ASTN2: variants seen among roughly 807,000 people sequenced by gnomAD.
ASTN2 encodes astrotactin 2.
Under a neutral mutation model 139.8 loss-of-function variants are expected in ASTN2, and 54 were observed. That is an observed-to-expected ratio of 0.39 (90% CI 0.31 to 0.48). ASTN2 has a LOEUF of 0.48. Ranked by LOEUF, ASTN2 falls within the 20% of genes least tolerant of loss-of-function variation. The pLI is 0.95. For missense variants in ASTN2, 1,565 were observed against 1,725.1 expected, an observed-to-expected ratio of 0.91 and a Z score of 1.64; for synonymous variants, 756 against 719.5, an observed-to-expected ratio of 1.05 and a Z score of -0.81.
At chr9:116,880,722 A>G (rs1833430894) in intron 10 of ASTN2, among the ~76,000 whole-genome samples, 1 of 152,030 alleles carries the variant, frequency 6.6e-6, no homozygotes, top group African/African-American at 2.4e-5. Flanking sequence ...TCTAGGGCAA[A>G]AGAAGTTTAT....
chr9:117,051,666 C>T (rs1347061678), intron 5 of ASTN2, among the ~76,000 whole-genome samples: 1 of 152,172 alleles, frequency 6.6e-6, no homozygotes, highest in East Asian at 1.9e-4. Flanking sequence ...AAGACAGATT[C>T]TGTCATTTGA....
chr9:117,181,380 T>C (rs140161005), intron 3 of ASTN2, among the ~76,000 whole-genome samples: 1 of 152,350 alleles, frequency 6.6e-6, no homozygotes, highest in African/African-American at 2.4e-5. Flanking sequence ...ATACATTTCA[T>C]ACTGCTGAAA....
intron 13 of ASTN2, among the ~76,000 whole-genome samples, chr9:116,791,031 G>GA (rs1227165909): frequency 2.6e-5 from 3 of 113,888 alleles, no homozygotes; most frequent in African/African-American, 6.4e-5. Context: ...AAGAAAGAAA[G>GA]AAAGAAAGAA....
intron 20 of ASTN2, among the ~76,000 whole-genome samples, chr9:116,465,612 A>G (rs1225312229): frequency 6.6e-6 from 1 of 152,230 alleles, no homozygotes; most frequent in Non-Finnish European, 1.5e-5. Flanking sequence ...AATTACTATT[A>G]ATAATAAATA....
chr9:117,078,051 G>A (rs966000809), intron 5 of ASTN2, among the ~76,000 whole-genome samples: 1 of 152,138 alleles, frequency 6.6e-6, no homozygotes, highest in Admixed American at 6.5e-5. Flanking sequence ...CTTGACTTCT[G>A]TAAAGAGTCA....
intron 10 of ASTN2, among the ~76,000 whole-genome samples, chr9:116,901,574 C>G (rs1274225832): frequency 1.3e-5 from 2 of 152,100 alleles, no homozygotes; most frequent in Non-Finnish European, 1.5e-5. Flanking sequence ...CTGGTATAAA[C>G]AAACTTACTG....
chr9:116,859,002 T>C (rs1347484680), intron 11 of ASTN2, among the ~76,000 whole-genome samples: 1 of 152,196 alleles, frequency 6.6e-6, no homozygotes, highest in Non-Finnish European at 1.5e-5. Flanking sequence ...CATTCCTTTC[T>C]GGAGGTTCCA....
chr9:117,327,289 G>A (rs188759708), intron 1 of ASTN2, among the ~76,000 whole-genome samples: 13 of 152,218 alleles, frequency 8.5e-5, no homozygotes, highest in East Asian at 7.8e-4. Flanking sequence ...TCCCAACACC[G>A]ACAATTGAGA....
At chr9:116,842,733 A>AGGGTG (rs927029029) in intron 11 of ASTN2, among the ~76,000 whole-genome samples, 3 of 50,122 alleles carry the variant, frequency 6.0e-5, no homozygotes, top group African/African-American at 7.5e-5. Flanking sequence ...GGAAGCGGCG[A>AGGGTG]GGGTGGGGTG....
intron 3 of ASTN2, among the ~76,000 whole-genome samples, chr9:117,171,737 G>A (rs528251597): frequency 2.0e-5 from 3 of 151,930 alleles, no homozygotes; most frequent in East Asian, 1.9e-4. Context: ...CTTCACCTTC[G>A]GCCATAATTG....
chr9:117,155,062 G>A (rs933561413), intron 3 of ASTN2, among the ~76,000 whole-genome samples: 1 of 151,956 alleles, frequency 6.6e-6, no homozygotes, highest in African/African-American at 2.4e-5. Flanking sequence ...GAACAGAGAA[G>A]AGATCAAACT....
intron 16 of ASTN2, among the ~76,000 whole-genome samples, chr9:116,679,609 T>C (rs949217826): frequency 1.3e-5 from 2 of 152,148 alleles, no homozygotes; most frequent in East Asian, 1.9e-4. Flanking sequence ...TATTCCAAAA[T>C]TGACCACATA....
At chr9:116,540,029 A>G (rs1187212789) in intron 19 of ASTN2, among the ~76,000 whole-genome samples, 1 of 152,222 alleles carries the variant, frequency 6.6e-6, no homozygotes, top group Non-Finnish European at 1.5e-5. Context: ...AGTGTCTCTT[A>G]AAATGAATCG....
chr9:116,820,766 T>G lies in ASTN2; in HGVS notation c.2058A>C (p.Lys686Asn). 6.2e-7 allele frequency: 1 copy of G among 1,613,858 alleles called. No homozygotes were observed. Among genetic ancestry groups the G allele is most frequent in the Non-Finnish European group, 8.5e-7 (1 of 1,179,848 alleles). The change falls in exon 12 of 23, where the codon AAA becomes AAC. Residue 686 changes from lysine to asparagine, a missense_variant. By Grantham distance (94) the Lys-to-Asn change is moderately conservative. This residue lies in a region of ASTN2 where 503 missense variants were observed against 591.7 expected (regional missense o/e 0.85). Coordinates refer to ENST00000313400, the MANE Select transcript of ASTN2 (RefSeq NM_001365068.1). ...SSGCVCPEEL[K>N]PMKDGSGCYD... ...AGCAGCCAGAGCCATCCTTCATGGG[T>G]TTCAGCTCCTCAGGGCACTGCTCAG...
intron 10 of ASTN2, among the ~76,000 whole-genome samples, chr9:116,935,471 G>C (rs1367325451): frequency 6.6e-6 from 1 of 152,128 alleles, no homozygotes; most frequent in Non-Finnish European, 1.5e-5. Context: ...GTAAATGTGA[G>C]CTTTTTAAGA....
intron 19 of ASTN2, among the ~76,000 whole-genome samples, chr9:116,550,488 A>T (rs957262753): frequency 6.6e-5 from 10 of 152,156 alleles, no homozygotes; most frequent in South Asian, 6.2e-4. Context: ...TCTGGCCTGG[A>T]GTGGTCTTCA....
At chr9:116,895,310 G>C (rs1044595982) in intron 10 of ASTN2, among the ~76,000 whole-genome samples, 1 of 152,160 alleles carries the variant, frequency 6.6e-6, no homozygotes, top group African/African-American at 2.4e-5. Context: ...CCATCTCCAG[G>C]ATATTTCTTT....
At chr9:117,177,422 T>C (rs1830944246) in intron 3 of ASTN2, among the ~76,000 whole-genome samples, 1 of 152,192 alleles carries the variant, frequency 6.6e-6, no homozygotes, top group Non-Finnish European at 1.5e-5. Flanking sequence ...GTTAATGTCA[T>C]CAAGGCAAAG....
chr9:117,311,780 G>A (rs944200684), intron 1 of ASTN2, among the ~76,000 whole-genome samples: 1 of 152,138 alleles, frequency 6.6e-6, no homozygotes, highest in Admixed American at 6.5e-5. Flanking sequence ...GCTGTGCCCT[G>A]CCTAGAATAG....
Sources: gnomAD v4.1 joint callset for allele counts (sites outside exome capture counted in the v4.1 genomes callset) on GRCh38, gnomAD v4.1.1 for gene constraint, gnomAD v4.1.1 regional missense constraint, MANE v1.5 for transcripts, NCBI Gene and HGNC (gene_info 2026-07-23, HGNC 2026-07-21) for gene names.